LRRK1: variants seen among roughly 807,000 people sequenced by gnomAD.
LRRK1 encodes the protein leucine rich repeat kinase 1.
A neutral mutation model predicts 209.1 loss-of-function variants in LRRK1; 113 were observed. The ratio of observed to expected loss-of-function variants is 0.54; its 90% CI spans 0.46 to 0.63. The LOEUF (loss-of-function observed/expected upper bound fraction) is 0.63. Among genes scored for constraint, LRRK1 ranks in the 30% least tolerant of loss-of-function variants. The pLI is 0.00. For synonymous variants in LRRK1, 1,144 were observed against 1,099.7 expected (o/e 1.04, Z -0.80); for missense variants, 2,284 against 2,632.2 (o/e 0.87, Z 2.89).
At chr15:100,977,775 G>A (rs2031377940) in intron 3 of LRRK1, among the ~76,000 whole-genome samples, 1 of 152,140 alleles carries the variant, frequency 6.6e-6, no homozygotes, top group Non-Finnish European at 1.5e-5. Flanking sequence ...ATTGAAGTAA[G>A]ATCCAGAGTC....
chr15:100,928,476 A>C (rs1221327838), intron 2 of LRRK1, among the ~76,000 whole-genome samples: 1 of 152,178 alleles, frequency 6.6e-6, no homozygotes, highest in Non-Finnish European at 1.5e-5. Flanking sequence ...GTTCAGGCCT[A>C]ATTTCCAGCT....
chr15:101,064,068 G>A (rs891168800), intron 31 of LRRK1, among the ~76,000 whole-genome samples: 2 of 152,244 alleles, frequency 1.3e-5, no homozygotes, highest in Non-Finnish European at 2.9e-5. Flanking sequence ...CGCGAAGCCT[G>A]CATTCTTGCA....
Position 101,062,574 on chromosome 15 carries a change from G to A in LRRK1, c.4798G>A (p.Asp1600Asn), listed in dbSNP as rs747368593. The A allele has an allele frequency of 6.2e-7, 1 of 1,607,844 alleles. No individual in the cohort carries two copies. The highest frequency in any genetic ancestry group is 2.2e-5 in the East Asian group (1 of 44,818). Residue 1600 changes from aspartate (D) to asparagine (N), a missense_variant and splice_region_variant, in exon 31 of 34, where the codon GAC becomes AAC. Physicochemically the swap from Asp to Asn is conservative, Grantham distance 23 (BLOSUM62 1). Coordinates refer to ENST00000388948, the MANE Select transcript of LRRK1 (RefSeq NM_024652.6). ...VQRSLWTATEDQKIYIYTLKG... is the reference protein window; with the variant it reads ...VQRSLWTATENQKIYIYTLKG... The stretch of plus-strand genomic sequence containing the variant: ...ACAGTGGACCTGTCTGCCTCTGCAG[G>A]ACCAGAAAATCTACATCTACACCCT...
chr15:101,010,916 T>C, intron 9 of LRRK1, 79 bp downstream of exon 9: 1 of 1,343,474 alleles, frequency 7.4e-7, no homozygotes, highest in Non-Finnish European at 1.0e-6. Flanking sequence ...TCAGGTGCAT[T>C]ATGTCAGTTC....
At chr15:100,989,198 A>G in intron 5 of LRRK1, 52 bp from the exon 6 acceptor site, 1 of 1,501,538 alleles carries the variant, frequency 6.7e-7, no homozygotes, top group Non-Finnish European at 9.2e-7. Context: ...CCTTCCAACG[A>G]CTGTGACACT....
chr15:100,931,633 C>G (rs534943548), intron 2 of LRRK1, among the ~76,000 whole-genome samples: 96 of 152,282 alleles, frequency 6.3e-4, no homozygotes, highest in Non-Finnish European at 2.8e-4. Flanking sequence ...CCTCGATCTG[C>G]TGGTGGGGCT....
chr15:100,993,668 C>T (rs1028036615), intron 6 of LRRK1, among the ~76,000 whole-genome samples: 2 of 152,090 alleles, frequency 1.3e-5, no homozygotes, highest in African/African-American at 4.8e-5. Flanking sequence ...GTCTCTTTGC[C>T]GTAGGTATAT....
chr15:101,052,876 G>A (rs371916401), intron 24 of LRRK1, 46 bp from the exon 25 acceptor site: 85 of 1,582,248 alleles, frequency 5.4e-5, no homozygotes, highest in Admixed American at 3.5e-5. Context: ...GGACCCACCC[G>A]CATCAGGGCG....
chr15:100,956,509 G>A (rs1428156974), intron 2 of LRRK1, among the ~76,000 whole-genome samples: 7 of 120,152 alleles, frequency 5.8e-5, no homozygotes, highest in Non-Finnish European at 1.6e-5. Context: ...CCAGGCTGGA[G>A]GGCTGGAGTG....
chr15:100,923,537 C>G (rs1265519893), intron 1 of LRRK1, among the ~76,000 whole-genome samples: 1 of 152,224 alleles, frequency 6.6e-6, no homozygotes, highest in Admixed American at 6.5e-5. Flanking sequence ...ACATGCATTA[C>G]TTATGGTAGT....
intron 2 of LRRK1, among the ~76,000 whole-genome samples, chr15:100,969,184 T>C (rs2030694377): frequency 1.3e-5 from 2 of 152,212 alleles, no homozygotes; most frequent in Admixed American, 1.3e-4. Context: ...TATGGAGTTA[T>C]ACGAGTTTTT....
intron 2 of LRRK1, among the ~76,000 whole-genome samples, chr15:100,955,947 T>G (rs2042747103): frequency 6.6e-6 from 1 of 152,188 alleles, no homozygotes; most frequent in African/African-American, 2.4e-5. Flanking sequence ...GTCTGTAATT[T>G]TCTTTTCTTA....
intron 2 of LRRK1, among the ~76,000 whole-genome samples, chr15:100,956,122 G>C (rs1567199102): frequency 6.6e-6 from 1 of 151,928 alleles, no homozygotes; most frequent in Non-Finnish European, 1.5e-5. Flanking sequence ...CTGATTCTGG[G>C]CTTTTTATTG....
intron 29 of LRRK1, among the ~76,000 whole-genome samples, chr15:101,060,066 C>T (rs1210477359): frequency 3.9e-5 from 6 of 152,160 alleles, no homozygotes; most frequent in Admixed American, 2.6e-4. Context: ...CTTCCTGTGA[C>T]CTGTGAAGGT....
chr15:101,020,053 A>G (rs2033707134), intron 12 of LRRK1, among the ~76,000 whole-genome samples: 1 of 152,254 alleles, frequency 6.6e-6, no homozygotes, highest in African/African-American at 2.4e-5. Flanking sequence ...CAACTGTGGT[A>G]TATTTTCATT....
intron 4 of LRRK1, 48 bp from the exon 5 acceptor site, chr15:100,988,586 C>G (rs778104562): frequency 6.3e-7 from 1 of 1,587,890 alleles, no homozygotes; most frequent in East Asian, 2.2e-5. Context: ...TGGGAACAAA[C>G]AGCACCCTTC....
At chr15:100,988,948 A>G (rs1018771407) in intron 5 of LRRK1, 135 bp downstream of exon 5, 16 of 752,634 alleles carry the variant, frequency 2.1e-5, no homozygotes, top group African/African-American at 2.0e-4. Context: ...CTCCTGTTCT[A>G]TGTTTCTTTT....
intron 3 of LRRK1, among the ~76,000 whole-genome samples, chr15:100,977,078 A>G (rs577051020): frequency 6.6e-6 from 1 of 152,278 alleles, no homozygotes; most frequent in African/African-American, 2.4e-5. Context: ...TGGTGGCCTC[A>G]GTACTCAAGG....
At chr15:100,988,450 C>A in intron 4 of LRRK1, 184 bp from the exon 5 acceptor site, 1 of 653,658 alleles carries the variant, frequency 1.5e-6, no homozygotes, top group Non-Finnish European at 2.7e-6. Flanking sequence ...CCTCCAGCTC[C>A]ATCCATGATG....
Sources: allele counts gnomAD v4.1 joint callset (sites outside exome capture counted in the v4.1 genomes callset), GRCh38; gene constraint gnomAD v4.1.1; transcripts MANE v1.5; gene names NCBI Gene and HGNC (gene_info 2026-07-23, HGNC 2026-07-21).